Variants in DRP2 observed in about 807,000 individuals in gnomAD.
DRP2 encodes dystrophin-related protein 2.
In DRP2, 29 loss-of-function variants were observed where a neutral mutation model predicts 78.2. That is an observed-to-expected ratio of 0.37 (90% confidence interval 0.28 to 0.51). The LOEUF is 0.51. Among genes scored for constraint, DRP2 ranks in the 20% least tolerant of loss-of-function variants. DRP2 has a pLI of 0.94. For synonymous variants in DRP2, 290 were observed against 281.9 expected (o/e 1.03, Z -0.29); for missense variants, 686 against 770.6 (o/e 0.89, Z 1.30).
chrX:101,254,661 A>C, intron 18 of DRP2, 100 bp downstream of exon 18: 1 of 1,143,561 alleles, frequency 8.7e-7, no homozygotes, highest in Non-Finnish European at 1.2e-6. Flanking sequence ...AGAATGTTCC[A>C]AGGTAAATCC....
At position 101,235,870 on chromosome X, in the gene DRP2, C is replaced by G; in HGVS notation, c.128C>G (p.Ala43Gly). 8.3e-7 allele frequency: 1 copy of G among 1,207,347 alleles called. No homozygotes were observed. Residue 43 changes from alanine to glycine, a missense_variant, in exon 4 of 24, where the codon GCT (alanine) becomes GGT (glycine). By Grantham distance (60) the Ala-to-Gly change is moderately conservative (BLOSUM62 0). Transcript: ENST00000395209. The stretch of plus-strand genomic sequence containing the variant: ...TGTGTTTCTGTCCAGGTTAGAGCTG[C>G]TGTCACCAGCCCTGCACCTCCTCAA... ...STCPHPQVRA[A>G]VTSPAPPQDG...
chrX:101,233,177 G>C (rs1479635534), intron 3 of DRP2, among the ~76,000 whole-genome samples: 4 of 112,030 alleles, frequency 3.6e-5, no homozygotes, highest in Non-Finnish European at 7.5e-5. Flanking sequence ...TAGTATGGCA[G>C]CTGGGTGGGG....
chrX:101,250,366 C>A, intron 14 of DRP2, 57 bp from the exon 15 acceptor site: 1 of 1,204,857 alleles, frequency 8.3e-7, no homozygotes, highest in Non-Finnish European at 1.1e-6. Flanking sequence ...TTTCTCCTCA[C>A]CATTCTCCGG....
intron 4 of DRP2, among the ~76,000 whole-genome samples, 175 bp from the exon 5 acceptor site, chrX:101,237,444 A>G (rs1241426748): frequency 9.0e-6 from 1 of 111,240 alleles, no homozygotes; most frequent in Non-Finnish European, 1.9e-5. Context: ...GTGCCTTGGG[A>G]CCCTCTTTGG....
rs186806242 is a variant in DRP2 at position 101,236,889 on chromosome X, G to A, written c.282-730G>A. Among the ~76,000 whole-genome samples, 106 of 111,462 alleles carry A rather than the reference G, an allele frequency of 9.5e-4. 1 individual carries two copies. The East Asian group carries it at 0.016, about 17-fold the overall frequency. On this transcript the variant is annotated intron_variant, in intron 4 of 23. Coordinates refer to ENST00000395209, the MANE Select transcript of DRP2 (RefSeq NM_001939.3). ...CTTGGCCTAGGTGGTGGTGAGGGGG[G>A]GGCAATGAATAAAGATAGTTATTAT...
chrX:101,257,113 T>A (rs1923368304), intron 21 of DRP2, among the ~76,000 whole-genome samples: 1 of 110,113 alleles, frequency 9.1e-6, no homozygotes, highest in Non-Finnish European at 1.9e-5. Context: ...AAAGTAAAGG[T>A]GGCAGCAGGT....
At chrX:101,222,543 A>G (rs1425481071) in intron 1 of DRP2, among the ~76,000 whole-genome samples, 2 of 111,894 alleles carry the variant, frequency 1.8e-5, no homozygotes, top group African/African-American at 6.5e-5. Flanking sequence ...CTCCTGTGAA[A>G]CTAGTTCCAG....
intron 6 of DRP2, among the ~76,000 whole-genome samples, chrX:101,240,468 T>C (rs1017067838): frequency 8.9e-6 from 1 of 112,616 alleles, no homozygotes; most frequent in Non-Finnish European, 1.9e-5. Flanking sequence ...ACTCTTGGGC[T>C]CAAGTGATCG....
Position 101,241,985 on chromosome X carries a change from T to C in DRP2, c.828+49T>C, listed in dbSNP as rs963241220. The C allele has an allele frequency of 2.7e-6, 3 of 1,123,194 alleles. No individual in the cohort carries two copies. In the Admixed American group the frequency reaches 8.0e-5, roughly 30 times the overall value. 92.6% of individuals were successfully genotyped at this position (1,123,194 alleles called of 1,213,427 possible). On this transcript the variant is annotated intron_variant, in intron 7 of 23. Coordinates refer to ENST00000395209, the MANE Select transcript of DRP2 (RefSeq NM_001939.3). Reference sequence around the variant, plus strand: ...TACAGTCTACCCTGAGACCTGACACTCTCCCCAGACACTGACAATGTTTCT... The same window carrying C: ...TACAGTCTACCCTGAGACCTGACACCCTCCCCAGACACTGACAATGTTTCT...
chrX:101,240,690 C>G (rs1419117578), intron 6 of DRP2, among the ~76,000 whole-genome samples: 1 of 112,367 alleles, frequency 8.9e-6, no homozygotes, highest in Non-Finnish European at 1.9e-5. Flanking sequence ...ATCCTCAACC[C>G]TCTGAGATGG....
chrX:101,258,640 G>A, intron 22 of DRP2, 94 bp downstream of exon 22: 1 of 812,935 alleles, frequency 1.2e-6, no homozygotes, highest in Non-Finnish European at 1.7e-6. Context: ...ACACAAGAGA[G>A]AGCTCCTTGG....
chrX:101,262,389 C>G lies in DRP2; in HGVS notation c.*1768C>G, dbSNP rs1923589898. On this transcript the variant is annotated 3_prime_UTR_variant, in exon 24 of 24. Transcript: ENST00000395209. ...CCCCATGCAGAAAAGGACAAACAGG[C>G]CTTTATTAGCCTTTGCCAGCTAAGA... 1 of 111,632 alleles carries G rather than the reference C, an allele frequency of 9.0e-6. No homozygotes were observed. Among genetic ancestry groups the G allele is most frequent in the South Asian group, 3.8e-4 (1 of 2,649 alleles). The allele number at this position is 111,632 out of a possible 1,213,427, so 9.2% of individuals were successfully genotyped here.
rs1923296424 is a variant in DRP2, at chrX:101,255,248, A to G, written c.2245A>G (p.Ile749Val). ...FNDSLSPDDSIDEDQYLLRHS... is the reference protein window; with the variant it reads ...FNDSLSPDDSVDEDQYLLRHS... ...TGACAGCTTGTCCCCAGATGACAGC[A>G]TGTGAGTTTCCACAGCTGCTTATTT... Residue 749 changes from isoleucine to valine, a missense_variant and splice_region_variant, in exon 20 of 24, where the codon ATA (isoleucine) becomes GTA (valine). Transcript: ENST00000395209. The G allele has an allele frequency of 8.3e-7, 1 of 1,209,701 alleles. No homozygotes were observed. Among genetic ancestry groups the G allele is most frequent in the Non-Finnish European group, 1.1e-6 (1 of 893,857 alleles).
chrX:101,235,072 T>G (rs1326820508), intron 3 of DRP2, among the ~76,000 whole-genome samples: 3 of 110,667 alleles, frequency 2.7e-5, no homozygotes, highest in African/African-American at 9.9e-5. Flanking sequence ...CTACCTTCCT[T>G]AGGGCTATCC....
chrX:101,221,100 G>A (rs1921878941), intron 1 of DRP2, among the ~76,000 whole-genome samples: 2 of 112,039 alleles, frequency 1.8e-5, no homozygotes, highest in African/African-American at 6.5e-5. Flanking sequence ...GGGCTGGGGT[G>A]GGGTGGAGTG....
chrX:101,222,352 T>C (rs183680959), intron 1 of DRP2, among the ~76,000 whole-genome samples: 113 of 112,183 alleles, frequency 1.0e-3, no homozygotes, highest in Admixed American at 6.4e-3. Context: ...AATAAAAAAC[T>C]GGAAGAAATC....
At chrX:101,220,644 C>T (rs1264399149) in intron 1 of DRP2, among the ~76,000 whole-genome samples, 1 of 110,626 alleles carries the variant, frequency 9.0e-6, no homozygotes, top group East Asian at 2.9e-4. Context: ...AACATGGGAC[C>T]TTGGAGCAGG....
In DRP2 at chrX:101,263,754, G is replaced by T. The variant is rs747836565; in HGVS notation, c.*3133G>T. On this transcript the variant is annotated 3_prime_UTR_variant, in exon 24 of 24. Coordinates refer to ENST00000395209, the MANE Select transcript of DRP2 (RefSeq NM_001939.3). ...TACAGAGAAATCTGTTTGAGTTTCT[G>T]GTGCTCCAGGAAATGGGTTGGCAGG... 1.6e-3 allele frequency: 174 copies of T among 112,106 alleles called. 1 individual carries two copies. The highest frequency in any genetic ancestry group is 5.3e-3 in the African/African-American group (165 of 30,867). The allele number at this position is 112,106 out of a possible 1,213,427, so 9.2% of individuals were successfully genotyped here. A position where few individuals can be genotyped will look rare whatever the true frequency, so the allele number is the denominator to read the frequency against.
At chrX:101,251,725 T>G (rs751587332) in intron 16 of DRP2, 2 of 112,264 alleles carry the variant, frequency 1.8e-5, no homozygotes, top group East Asian at 5.6e-4. Flanking sequence ...CCTGAAATTT[T>G]AACAGCCAAC....
Sources: gnomAD v4.1 joint callset for allele counts (sites outside exome capture counted in the v4.1 genomes callset) on GRCh38, gnomAD v4.1.1 for gene constraint, MANE v1.5 for transcripts, NCBI Gene and HGNC (gene_info 2026-07-23, HGNC 2026-07-21) for gene names.